ABTB2: variants seen among roughly 807,000 people sequenced by gnomAD.
ABTB2 encodes the protein ankyrin repeat and BTB domain containing 2.
ABTB2 carries 56 observed loss-of-function variants against 104.1 expected under a neutral mutation model. The observed-to-expected ratio is 0.54, with a 90% CI of 0.43 to 0.67. The LOEUF is 0.67. ABTB2 is among the 30% of genes least tolerant of loss of function. ABTB2 has a pLI of 0.00. For synonymous variants in ABTB2, 606 were observed against 608.2 expected, an observed-to-expected ratio of 1.00 and a Z score of 0.05; for missense variants, 1,279 against 1,407.7, an observed-to-expected ratio of 0.91 and a Z score of 1.46.
chr11:34,240,846 T>C (rs531833711), intron 1 of ABTB2, among the ~76,000 whole-genome samples: 1 of 152,314 alleles, frequency 6.6e-6, no homozygotes, highest in South Asian at 2.1e-4. Flanking sequence ...CCGCCCGCCT[T>C]GGCCTCCCAA....
intron 1 of ABTB2, among the ~76,000 whole-genome samples, chr11:34,256,124 T>C (rs564385415): frequency 6.8e-6 from 1 of 145,992 alleles, no homozygotes; most frequent in East Asian, 2.0e-4. Flanking sequence ...TCTCAGCAAC[T>C]GTGTTGTCCA....
chr11:34,162,549 T>C, intron 10 of ABTB2, 27 bp downstream of exon 10: 1 of 1,605,830 alleles, frequency 6.2e-7, no homozygotes, highest in Non-Finnish European at 8.5e-7. Context: ...TGCATGGACA[T>C]GGGTGTGCAT....
In ABTB2 at chr11:34,307,966, G is replaced by T. The variant is rs145017689; in HGVS notation, c.883+48735C>A. ...CTGCCTTGGCCTCCCAAAGTGCTGG[G>T]ATTACAGGCGTGAGCCACTGCACCC... On this transcript the variant is annotated intron_variant, in intron 1 of 16. Coordinates refer to ENST00000435224, the MANE Select transcript of ABTB2 (RefSeq NM_145804.3). Among the ~76,000 whole-genome samples, 1,147 of 152,350 alleles carry T rather than the reference G, an allele frequency of 7.5e-3. 13 individuals are homozygous for T. The highest frequency in any genetic ancestry group is 0.023 in the African/African-American group (971 of 41,578).
rs1358755308 is a variant in ABTB2 at position 34,356,209 on chromosome 11, A to T, written c.883+492T>A. ...CGCAGCACCAGATCTTGGGCTTCCC[A>T]CTTCCCTCCGCCCATCTTACTTATC... is the stretch of plus-strand genomic sequence containing the variant. On this transcript the variant is annotated intron_variant, in intron 1 of 16. Transcript: ENST00000435224. This position sits in a 1 kb window ranked among gnomAD's most constrained non-coding sequence, Gnocchi z 4.6. 3.9e-5 allele frequency among the ~76,000 whole-genome samples: 6 copies of T among 152,066 alleles called. No individual in the cohort carries two copies. The highest frequency in any genetic ancestry group is 1.4e-4 in the African/African-American group (6 of 41,410).
chr11:34,239,157 G>T (rs1056805935), intron 1 of ABTB2, among the ~76,000 whole-genome samples: 1 of 152,136 alleles, frequency 6.6e-6, no homozygotes, highest in African/African-American at 2.4e-5. Flanking sequence ...AAGTATCTGT[G>T]GGACGACAAC....
At chr11:34,350,126 G>C (rs1855379984) in intron 1 of ABTB2, among the ~76,000 whole-genome samples, 1 of 152,184 alleles carries the variant, frequency 6.6e-6, no homozygotes, top group South Asian at 2.1e-4. Flanking sequence ...ACTCAATTCA[G>C]ACTCCAAAGT....
At chr11:34,232,581 C>A (rs1208268543) in intron 1 of ABTB2, among the ~76,000 whole-genome samples, 1 of 152,158 alleles carries the variant, frequency 6.6e-6, no homozygotes, top group African/African-American at 2.4e-5. Context: ...GAAGCCCCAC[C>A]ACAATCTGTA....
At chr11:34,248,930 A>C (rs1419302550) in intron 1 of ABTB2, among the ~76,000 whole-genome samples, 1 of 152,204 alleles carries the variant, frequency 6.6e-6, no homozygotes, top group African/African-American at 2.4e-5. Context: ...AGGGAATGCA[A>C]GACCAGCCTG....
intron 1 of ABTB2, among the ~76,000 whole-genome samples, chr11:34,259,702 C>T (rs936995692): frequency 1.3e-5 from 2 of 152,146 alleles, no homozygotes; most frequent in African/African-American, 4.8e-5. Flanking sequence ...CTATCAATGG[C>T]GTTTCAAAAC....
intron 1 of ABTB2, among the ~76,000 whole-genome samples, chr11:34,352,657 C>T (rs946706922): frequency 2.0e-5 from 3 of 152,200 alleles, no homozygotes; most frequent in East Asian, 1.9e-4. Context: ...AATTCTCATA[C>T]CACCCATATA....
chr11:34,302,629 T>C (rs1854720073), intron 1 of ABTB2, among the ~76,000 whole-genome samples: 1 of 152,204 alleles, frequency 6.6e-6, no homozygotes, highest in African/African-American at 2.4e-5. Flanking sequence ...GGCCCTTGAA[T>C]GAGTCAGTGT....
At chr11:34,272,733 C>CAAAAAAAAAA (rs1323130706) in intron 1 of ABTB2, among the ~76,000 whole-genome samples, 5 of 127,654 alleles carry the variant, frequency 3.9e-5, no homozygotes, top group African/African-American at 1.5e-4. Flanking sequence ...AAAAAAAAAC[C>CAAAAAAAAAA]AACCAACCAT....
chr11:34,265,322 C>T (rs796673318), intron 1 of ABTB2, among the ~76,000 whole-genome samples: 3 of 152,156 alleles, frequency 2.0e-5, no homozygotes, highest in Non-Finnish European at 4.4e-5. Flanking sequence ...GAGTACCTTG[C>T]GGACACCATG....
intron 3 of ABTB2, among the ~76,000 whole-genome samples, chr11:34,195,887 C>T (rs540371625): frequency 6.6e-5 from 10 of 152,280 alleles, no homozygotes; most frequent in Admixed American, 6.5e-4. Flanking sequence ...AGACTCAATG[C>T]CCCCCAAAGA....
intron 1 of ABTB2, among the ~76,000 whole-genome samples, chr11:34,315,507 C>T (rs190605695): frequency 6.6e-6 from 1 of 152,154 alleles, no homozygotes; most frequent in Non-Finnish European, 1.5e-5. Flanking sequence ...AGGCCCCAAT[C>T]ATTCATGAGG....
At chr11:34,223,384 C>G (rs1283763960) in intron 1 of ABTB2, among the ~76,000 whole-genome samples, 2 of 152,218 alleles carry the variant, frequency 1.3e-5, no homozygotes, top group Non-Finnish European at 2.9e-5. Flanking sequence ...ATTCTCCGCT[C>G]TCCTGCTCCC....
intron 2 of ABTB2, among the ~76,000 whole-genome samples, chr11:34,199,347 A>C (rs12272877): frequency 0.095 from 14,491 of 152,076 alleles, 973 homozygotes; most frequent in African/African-American, 0.19. Context: ...CTACTCATCC[A>C]TACCGTTGGA....
At chr11:34,163,779 T>C (rs1191578621) in intron 9 of ABTB2, among the ~76,000 whole-genome samples, 3 of 152,194 alleles carry the variant, frequency 2.0e-5, no homozygotes, top group Non-Finnish European at 4.4e-5. Context: ...GGCGCTGGCA[T>C]GTGAAGGTGA....
intron 1 of ABTB2, among the ~76,000 whole-genome samples, chr11:34,318,534 G>T (rs918513253): frequency 6.6e-6 from 1 of 152,194 alleles, no homozygotes; most frequent in Non-Finnish European, 1.5e-5. Flanking sequence ...GGGACCAAGG[G>T]ACTGGTCTAA....
Sources: gnomAD v4.1 joint callset for allele counts (sites outside exome capture counted in the v4.1 genomes callset) on GRCh38, gnomAD v4.1.1 for gene constraint, Gnocchi (gnomAD v3.1) non-coding constraint, MANE v1.5 for transcripts, NCBI Gene and HGNC (gene_info 2026-07-23, HGNC 2026-07-21) for gene names.